FHDC1: variants seen among roughly 807,000 people sequenced by gnomAD.
The protein encoded by FHDC1 is FH2 domain-containing protein 1.
A neutral mutation model predicts 52.6 loss-of-function variants in FHDC1; 25 were observed. The observed-to-expected ratio is 0.48, with a 90% CI of 0.35 to 0.66. The LOEUF (loss-of-function observed/expected upper bound fraction) is 0.66, where lower values mean the gene tolerates loss of function less well. Ranked by LOEUF, FHDC1 falls within the 30% of genes least tolerant of loss-of-function variation. The probability of loss-of-function intolerance (pLI) is 0.01; values close to 1 mark genes in which losing one functional copy is unlikely to be tolerated. For missense variants in FHDC1, 1,459 were observed against 1,452.8 expected (o/e 1.00, Z -0.07); for synonymous variants, 616 against 581.5 (o/e 1.06, Z -0.85).
In FHDC1 at chr4:152,943,235, C is replaced by T; in HGVS notation, c.178C>T (p.Pro60Ser). ...GGAAGAGTGTCCTTCCTCCCCTCCT[C>T]CACCCCCACCACCTCCACTTCCTGG... ...SREECPSSPP[P>S]PPPPPLPGEP... is the part of the protein sequence containing the mutation. The change falls in exon 2 of 12, where the codon CCA becomes TCA. Residue 60 changes from proline (P) to serine (S), a missense_variant. By Grantham distance (74) the Pro-to-Ser change is moderately conservative (BLOSUM62 -1). Transcript: ENST00000511601. The T allele has an allele frequency of 6.4e-7, 1 of 1,565,808 alleles. No homozygotes were observed. Among genetic ancestry groups the T allele is most frequent in the Non-Finnish European group, 8.7e-7 (1 of 1,149,512 alleles).
rs570684143 is a variant in FHDC1 at position 152,977,621 on chromosome 4, T to A, written c.*898T>A. On this transcript the variant is annotated 3_prime_UTR_variant, in exon 12 of 12. Transcript: ENST00000511601. ...CCACGCCTGGTTAATTGTTTTTTTTTAATTTATCTTTTGTAGAGATGGGAT... is the reference window on the plus strand; with the variant it reads ...CCACGCCTGGTTAATTGTTTTTTTTAAATTTATCTTTTGTAGAGATGGGAT... 16 of 152,024 alleles carry A rather than the reference T, an allele frequency of 1.1e-4. No homozygotes were observed. The highest frequency in any genetic ancestry group is 3.6e-4 in the African/African-American group (15 of 41,456). 9.4% of individuals were successfully genotyped at this position (152,024 alleles called of 1,614,324 possible).
At chr4:152,973,218 G>A (rs570200821) in intron 11 of FHDC1, among the ~76,000 whole-genome samples, 12 of 152,264 alleles carry the variant, frequency 7.9e-5, no homozygotes, top group Admixed American at 3.3e-4. Flanking sequence ...AAAGCAAACC[G>A]GCCACTCACA....
chr4:152,972,251 A>G, intron 10 of FHDC1, 126 bp from the exon 11 acceptor site: 1 of 965,842 alleles, frequency 1.0e-6, no homozygotes, highest in Non-Finnish European at 1.5e-6. Flanking sequence ...CTTGCAATAA[A>G]CCTTCCTTTT....
chr4:152,946,286 A>C (rs1190174809), intron 2 of FHDC1, among the ~76,000 whole-genome samples: 1 of 152,234 alleles, frequency 6.6e-6, no homozygotes, highest in Non-Finnish European at 1.5e-5. Flanking sequence ...GTATCATAAG[A>C]TAATCTAACT....
the FHDC1 span, among the ~76,000 whole-genome samples, chr4:152,923,995 A>G: frequency 6.6e-6 from 1 of 151,968 alleles, no homozygotes; most frequent in African/African-American, 2.4e-5. Context: ...ACAAAAGCCA[A>G]AATTGACAAA....
intron 10 of FHDC1, among the ~76,000 whole-genome samples, chr4:152,969,470 A>C (rs1422312602): frequency 6.6e-6 from 1 of 152,214 alleles, no homozygotes. Context: ...GAAAATCAAG[A>C]ATAAGGACCA....
At chr4:152,949,200 G>A in intron 2 of FHDC1, among the ~76,000 whole-genome samples, 1 of 150,604 alleles carries the variant, frequency 6.6e-6, no homozygotes, top group African/African-American at 2.4e-5. Context: ...TATGGACCAG[G>A]CATGGTGGCT....
rs1454088866 is a variant in FHDC1 at position 152,949,160 on chromosome 4, G to A, written c.499-4339G>A. On this transcript the variant is annotated intron_variant, in intron 2 of 11. Coordinates refer to ENST00000511601, the MANE Select transcript of FHDC1 (RefSeq NM_001371116.1). ...AGAAGAAGAAGAAGAAGAAGAAGAA[G>A]AAGAAGAAGAAGCAGAAGAAGAAAA... 3.0e-5 allele frequency among the ~76,000 whole-genome samples: 4 copies of A among 134,950 alleles called. No individual in the cohort carries two copies. In the South Asian group the frequency reaches 9.5e-4, roughly 32 times the overall value. The allele number at this position is 134,950 out of a possible 152,430, so 88.5% of individuals were successfully genotyped here. A position where few individuals can be genotyped will look rare whatever the true frequency, so the allele number is the denominator to read the frequency against.
intron 4 of FHDC1, among the ~76,000 whole-genome samples, chr4:152,956,117 C>T (rs1045055766): frequency 1.3e-5 from 2 of 152,212 alleles, no homozygotes; most frequent in Non-Finnish European, 2.9e-5. Flanking sequence ...TTAATCTTTT[C>T]TGTAAAGGAT....
At chr4:152,972,270 T>C in intron 10 of FHDC1, 107 bp from the exon 11 acceptor site, 1 of 1,181,446 alleles carries the variant, frequency 8.5e-7, no homozygotes, top group South Asian at 1.8e-5. Context: ...TTCCAAGACC[T>C]GAAATGAAAC....
the FHDC1 span, chr4:152,918,398 T>TA: frequency 6.6e-6 from 1 of 152,254 alleles, no homozygotes; most frequent in African/African-American, 2.4e-5. Context: ...TGTTTTTCCT[T>TA]ACAGTAGCCT....
the FHDC1 span, among the ~76,000 whole-genome samples, chr4:152,924,366 A>G: frequency 1.9e-3 from 282 of 152,240 alleles, 1 homozygote; most frequent in African/African-American, 5.6e-3. Context: ...AACAACAGGT[A>G]CTGGAGAGGA....
chr4:152,930,962 A>AAC, the FHDC1 span, among the ~76,000 whole-genome samples: 7,430 of 104,742 alleles, frequency 0.071, 285 homozygotes, highest in South Asian at 0.098. Context: ...TCCCCAGGGA[A>AAC]ACACACACAC....
At chr4:152,924,311 T>C in the FHDC1 span, among the ~76,000 whole-genome samples, 1 of 152,116 alleles carries the variant, frequency 6.6e-6, no homozygotes, top group Admixed American at 6.5e-5. Flanking sequence ...CACAATGAGA[T>C]ACCATCTCAC....
rs755934518 is a variant in FHDC1 at position 152,975,963 on chromosome 4, T to A, written c.2672T>A (p.Val891Glu). ...RRSQGAVAKS[V>E]RTLTASENES... ...AGCCAGGGGGCAGTGGCCAAGTCTGTGCGGACCCTGACCGCCTCAGAGAAC... is the reference window on the plus strand; with the variant it reads ...AGCCAGGGGGCAGTGGCCAAGTCTGAGCGGACCCTGACCGCCTCAGAGAAC... Residue 891 changes from valine (V) to glutamate (E), a missense_variant, in exon 12 of 12, where the codon GTG becomes GAG. By Grantham distance (121) the Val-to-Glu change is moderately radical. Around this residue, in one of 3 missense-constraint regions of FHDC1, gnomAD observed 939 missense variants for 854.5 expected, o/e 1.10. Coordinates refer to ENST00000511601, the MANE Select transcript of FHDC1 (RefSeq NM_001371116.1). 1 of 1,522,824 alleles carries A rather than the reference T, an allele frequency of 6.6e-7. No individual in the cohort carries two copies. The highest frequency in any genetic ancestry group is 8.8e-7 in the Non-Finnish European group (1 of 1,138,036). The allele number at this position is 1,522,824 out of a possible 1,614,324, so 94.3% of individuals were successfully genotyped here. A position where few individuals can be genotyped will look rare whatever the true frequency, so the allele number is the denominator to read the frequency against.
At chr4:152,958,107 T>G (rs1309831440) in intron 4 of FHDC1, among the ~76,000 whole-genome samples, 1 of 152,056 alleles carries the variant, frequency 6.6e-6, no homozygotes, top group Non-Finnish European at 1.5e-5. Context: ...TTCTGTTGGG[T>G]GGGTGTGTTT....
At chr4:152,974,525 C>T (rs1008221362) in intron 11 of FHDC1, 150 bp from the exon 12 acceptor site, 13 of 1,188,422 alleles carry the variant, frequency 1.1e-5, no homozygotes, top group Non-Finnish European at 1.5e-5. Flanking sequence ...CATGCATGTG[C>T]ACACACACAG....
the FHDC1 span, among the ~76,000 whole-genome samples, chr4:152,924,698 A>G: frequency 3.9e-5 from 6 of 152,162 alleles, no homozygotes; most frequent in African/African-American, 1.2e-4. Context: ...TGATGAGTTC[A>G]TGTCATTTGT....
Position 152,977,306 on chromosome 4 carries a change from C to T in FHDC1, c.*583C>T, listed in dbSNP as rs1561218879. 6.6e-6 allele frequency: 1 copy of T among 152,154 alleles called. No homozygotes were observed. The highest frequency in any genetic ancestry group is 1.5e-5 in the Non-Finnish European group (1 of 68,052). The allele number at this position is 152,154 out of a possible 1,614,324, so 9.4% of individuals were successfully genotyped here. On this transcript the variant is annotated 3_prime_UTR_variant, in exon 12 of 12. Coordinates refer to ENST00000511601, the MANE Select transcript of FHDC1 (RefSeq NM_001371116.1). The stretch of plus-strand genomic sequence containing the variant: ...ACTCTGAACGCTGAGATGGGAAGGT[C>T]ACTTGAGCCCAGGACCCCACCACTG...
Sources: allele counts gnomAD v4.1 joint callset (sites outside exome capture counted in the v4.1 genomes callset), GRCh38; gene constraint gnomAD v4.1.1; regional missense constraint gnomAD v4.1.1; transcripts MANE v1.5; gene names NCBI Gene and HGNC (gene_info 2026-07-23, HGNC 2026-07-21).